ZRANB3: variants seen among roughly 807,000 people sequenced by gnomAD.
ZRANB3 encodes the protein zinc finger RANBP2-type containing 3.
ZRANB3 carries 125 observed loss-of-function variants against 133.8 expected under a neutral mutation model. The ratio of observed to expected loss-of-function variants is 0.93; its 90% CI spans 0.81 to 1.08. ZRANB3 has a LOEUF of 1.08. ZRANB3 is among the 50% of genes least tolerant of loss of function. ZRANB3 has a pLI of 0.00. For missense variants in ZRANB3, 1,229 were observed against 1,275.5 expected (o/e 0.96, Z 0.56); for synonymous variants, 387 against 432.7 (o/e 0.89, Z 1.31).
intron 2 of ZRANB3, among the ~76,000 whole-genome samples, chr2:135,494,852 T>A (rs552987819): frequency 6.6e-6 from 1 of 152,296 alleles, no homozygotes; most frequent in South Asian, 2.1e-4. Flanking sequence ...CAGTAAGTGA[T>A]CCTGGATTAG....
rs1178953992 is a variant in ZRANB3, at chr2:135,268,995, T to G, written c.1353A>C (p.Leu451=). Reference sequence around the variant, plus strand: ...TCAACATTCCCCACATAAGGGTGTCTAGGGTTCCATTTGCAATAAGGTAGT... The same window carrying G: ...TCAACATTCCCCACATAAGGGTGTCGAGGGTTCCATTTGCAATAAGGTAGT... ...NIHYLIANGT[L]DTLMWGMLNR... The change falls in exon 11 of 21, where the codon CTA becomes CTC. Residue 451 remains leucine (L), a synonymous_variant. Coordinates refer to ENST00000264159, the MANE Select transcript of ZRANB3 (RefSeq NM_032143.4). The G allele has an allele frequency of 1.9e-6, 3 of 1,609,686 alleles. No individual in the cohort carries two copies. The highest frequency in any genetic ancestry group is 2.2e-5 in the South Asian group (2 of 89,794).
chr2:135,404,050 C>A (rs1687879501), intron 2 of ZRANB3, among the ~76,000 whole-genome samples: 1 of 152,198 alleles, frequency 6.6e-6, no homozygotes, highest in Non-Finnish European at 1.5e-5. Context: ...AGCGCCTCTC[C>A]TCCTCCAAAG....
At chr2:135,449,475 C>T (rs575810509) in intron 2 of ZRANB3, among the ~76,000 whole-genome samples, 5 of 152,056 alleles carry the variant, frequency 3.3e-5, no homozygotes, top group Non-Finnish European at 7.4e-5. Flanking sequence ...CAAAAATTAG[C>T]CAAGTGTGGT....
chr2:135,359,200 G>A lies in ZRANB3; in HGVS notation c.181-5572C>T, dbSNP rs533107760. Among the ~76,000 whole-genome samples the A allele has an allele frequency of 2.8e-3, 430 of 152,150 alleles. 1 individual carries two copies. Among genetic ancestry groups the A allele is most frequent in the African/African-American group, 9.4e-3 (389 of 41,514 alleles). On this transcript the variant is annotated intron_variant, in intron 3 of 20. Transcript: ENST00000264159. ...TCTTTCAATATACGTTAATAAACTG[G>A]CATTGTGATTTTTATAAAAGAGTTT... is the stretch of plus-strand genomic sequence containing the variant.
chr2:135,313,458 G>T, intron 8 of ZRANB3, 31 bp downstream of exon 8: 1 of 1,385,922 alleles, frequency 7.2e-7, no homozygotes, highest in Non-Finnish European at 1.0e-6. Flanking sequence ...TTTGTATGAA[G>T]ACAAATACAT....
chr2:135,426,851 A>ATAT, intron 2 of ZRANB3, among the ~76,000 whole-genome samples: 2 of 61,036 alleles, frequency 3.3e-5, no homozygotes, highest in South Asian at 1.5e-3. Flanking sequence ...AAAAAAAAAA[A>ATAT]AAAAAAAAAA....
intron 2 of ZRANB3, among the ~76,000 whole-genome samples, chr2:135,395,771 TTGAG>T (rs1687462638): frequency 6.6e-6 from 1 of 152,118 alleles, no homozygotes; most frequent in African/African-American, 2.4e-5. Context: ...CAAAGATTTC[TTGAG>T]TAATAACCCA....
intron 2 of ZRANB3, among the ~76,000 whole-genome samples, chr2:135,455,929 T>G (rs1419791590): frequency 1.3e-5 from 2 of 152,212 alleles, no homozygotes; most frequent in Non-Finnish European, 2.9e-5. Context: ...AGCTTGCCAG[T>G]ATCTCTAGTT....
intron 2 of ZRANB3, among the ~76,000 whole-genome samples, chr2:135,452,138 T>A (rs576839522): frequency 6.6e-6 from 1 of 152,146 alleles, no homozygotes; most frequent in Non-Finnish European, 1.5e-5. Flanking sequence ...ACTTCTTACA[T>A]GGCAGAGGCA....
intron 12 of ZRANB3, among the ~76,000 whole-genome samples, chr2:135,243,153 T>G (rs1376394705): frequency 6.6e-6 from 1 of 152,144 alleles, no homozygotes; most frequent in African/African-American, 2.4e-5. Context: ...TCTCCACAAG[T>G]TTTTGCTTGG....
chr2:135,437,875 C>T (rs1467959128), intron 2 of ZRANB3, among the ~76,000 whole-genome samples: 2 of 152,080 alleles, frequency 1.3e-5, no homozygotes, highest in Admixed American at 6.6e-5. Context: ...AAAGATTATC[C>T]CTCCAATCAG....
Position 135,315,542 on chromosome 2 carries a change from A to T in ZRANB3, c.678-12T>A. Reference sequence around the variant, plus strand: ...TTTTACCAAAATATCTGTTAAAATGAAGACAAAACATGTAGCAAAATTGAA... The same window carrying T: ...TTTTACCAAAATATCTGTTAAAATGTAGACAAAACATGTAGCAAAATTGAA... On this transcript the variant is annotated splice_polypyrimidine_tract_variant and intron_variant, in intron 6 of 20. Transcript: ENST00000264159. 1 of 1,444,488 alleles carries T rather than the reference A, an allele frequency of 6.9e-7. No individual in the cohort carries two copies. Among genetic ancestry groups the T allele is most frequent in the South Asian group, 1.6e-5 (1 of 62,466 alleles). 89.5% of individuals were successfully genotyped at this position (1,444,488 alleles called of 1,614,324 possible).
intron 2 of ZRANB3, among the ~76,000 whole-genome samples, chr2:135,429,241 G>A (rs1490784651): frequency 1.3e-5 from 2 of 152,156 alleles, no homozygotes; most frequent in Non-Finnish European, 2.9e-5. Flanking sequence ...GCAGCAACAT[G>A]GATGGACCTA....
intron 17 of ZRANB3, among the ~76,000 whole-genome samples, chr2:135,210,694 G>C (rs541288003): frequency 1.3e-5 from 2 of 152,266 alleles, no homozygotes; most frequent in South Asian, 2.1e-4. Flanking sequence ...AGCACTTTGG[G>C]AGGCCAAGAT....
At chr2:135,516,393 A>G (rs1017096576) in intron 1 of ZRANB3, among the ~76,000 whole-genome samples, 2 of 152,192 alleles carry the variant, frequency 1.3e-5, no homozygotes, top group African/African-American at 2.4e-5. Context: ...ATGTTTTTGC[A>G]GTGGCTGGTA....
At chr2:135,516,421 T>C (rs962457463) in intron 1 of ZRANB3, among the ~76,000 whole-genome samples, 1 of 152,248 alleles carries the variant, frequency 6.6e-6, no homozygotes, top group Non-Finnish European at 1.5e-5. Flanking sequence ...TTCCTTTCCA[T>C]GTTTAGTGCT....
At chr2:135,358,470 T>C (rs1685531506) in intron 3 of ZRANB3, among the ~76,000 whole-genome samples, 1 of 152,138 alleles carries the variant, frequency 6.6e-6, no homozygotes, top group Non-Finnish European at 1.5e-5. Flanking sequence ...AAAAAACAAA[T>C]TATGGGAGCT....
chr2:135,472,838 A>C (rs1444967686), intron 2 of ZRANB3, among the ~76,000 whole-genome samples: 1 of 152,188 alleles, frequency 6.6e-6, no homozygotes. Flanking sequence ...AACCACTTTA[A>C]GCTCAATGTG....
rs560828316 is a variant in ZRANB3, at chr2:135,220,783, T to C, written c.2251-1605A>G. ...CTAGCTGAAATGAACAGTTCTAATA[T>C]GACACAGGATGCTAAATGTCTGTTA... On this transcript the variant is annotated intron_variant, in intron 15 of 20. Coordinates refer to ENST00000264159, the MANE Select transcript of ZRANB3 (RefSeq NM_032143.4). Among the ~76,000 whole-genome samples, 4 of 151,848 alleles carry C rather than the reference T, an allele frequency of 2.6e-5. No individual in the cohort carries two copies. The South Asian group carries it at 8.3e-4, about 32-fold the overall frequency.
Sources: gnomAD v4.1 joint callset for allele counts (sites outside exome capture counted in the v4.1 genomes callset) on GRCh38, gnomAD v4.1.1 for gene constraint, MANE v1.5 for transcripts, NCBI Gene and HGNC (gene_info 2026-07-23, HGNC 2026-07-21) for gene names.